The following POC1B variants were observed in gnomAD, a reference collection of about 807,000 sequenced individuals.
The protein encoded by POC1B is POC1 centriolar protein B.
A neutral mutation model predicts 60.6 loss-of-function variants in POC1B; 44 were observed. The observed-to-expected ratio is 0.73, with a 90% CI of 0.57 to 0.93. POC1B has a LOEUF of 0.93. Among genes scored for constraint, POC1B ranks in the 40% least tolerant of loss-of-function variants. POC1B has a pLI of 0.00. For synonymous variants in POC1B, 180 were observed against 198.9 expected, an observed-to-expected ratio of 0.90 and a Z score of 0.80; for missense variants, 555 against 572.3, an observed-to-expected ratio of 0.97 and a Z score of 0.31.
In POC1B at chr12:89,425,644, G is replaced by A. The variant is rs530468355; in HGVS notation, c.1114-265C>T. On this transcript the variant is annotated intron_variant, in intron 10 of 11. Coordinates refer to ENST00000313546, the MANE Select transcript of POC1B (RefSeq NM_172240.3). ...ACACTTTCCATACACTGATCTGAGG[G>A]ATCTACCATTAAAAAGATTGTTAGA... The A allele has an allele frequency of 6.1e-5, 16 of 261,596 alleles. 1 individual carries two copies. In the South Asian group the frequency reaches 1.5e-3, roughly 25 times the overall value. 16.2% of individuals were successfully genotyped at this position (261,596 alleles called of 1,614,324 possible). A position where few individuals can be genotyped will look rare whatever the true frequency, so the allele number is the denominator to read the frequency against.
At chr12:89,524,033 C>T (rs1406970748) in intron 2 of POC1B, 5 of 1,613,374 alleles carry the variant, frequency 3.1e-6, no homozygotes, top group Non-Finnish European at 3.4e-6. Context: ...AAGTCATCCA[C>T]CAAGATGATC....
At chr12:89,492,198 A>C in intron 3 of POC1B, 83 bp from the exon 4 acceptor site, 1 of 1,115,024 alleles carries the variant, frequency 9.0e-7, no homozygotes, top group Non-Finnish European at 1.2e-6. Context: ...TTTGAAACAT[A>C]TAAAATAGTT....
the POC1B span, among the ~76,000 whole-genome samples, chr12:89,413,336 G>A: frequency 2.0e-5 from 3 of 152,146 alleles, no homozygotes; most frequent in Non-Finnish European, 4.4e-5. Flanking sequence ...CTCCCAAGTA[G>A]CTAAGACTAT....
the POC1B span, among the ~76,000 whole-genome samples, chr12:89,404,799 C>T: frequency 6.6e-6 from 1 of 152,160 alleles, no homozygotes; most frequent in Non-Finnish European, 1.5e-5. Context: ...AATCCAGGAA[C>T]CCACAAGAAA....
At position 89,424,514 on chromosome 12, in the gene POC1B, A is replaced by G. The variant is rs1278423285; in HGVS notation, c.1332+647T>C. 3.7e-4 allele frequency among the ~76,000 whole-genome samples: 57 copies of G among 152,204 alleles called. 1 individual carries two copies. Among genetic ancestry groups the G allele is most frequent in the Admixed American group, 3.7e-3 (57 of 15,282 alleles). On this transcript the variant is annotated intron_variant, in intron 11 of 11. Coordinates refer to ENST00000313546, the MANE Select transcript of POC1B (RefSeq NM_172240.3). ...TCCACTCTGACAAATATTAGTATTT[A>G]GTATTCTCATTCTACACATCAAAGA...
At chr12:89,474,111 C>G (rs924005781) in intron 4 of POC1B, among the ~76,000 whole-genome samples, 1 of 151,802 alleles carries the variant, frequency 6.6e-6, no homozygotes, top group Non-Finnish European at 1.5e-5. Context: ...GAAGCTGAGG[C>G]AGGAGAATTG....
intron 4 of POC1B, among the ~76,000 whole-genome samples, chr12:89,484,518 G>C (rs1447008910): frequency 6.6e-6 from 1 of 152,220 alleles, no homozygotes; most frequent in Non-Finnish European, 1.5e-5. Context: ...GGGAGGACTG[G>C]CATGTGAGGA....
At chr12:89,405,180 T>TA in the POC1B span, among the ~76,000 whole-genome samples, 5 of 152,152 alleles carry the variant, frequency 3.3e-5, no homozygotes, top group Admixed American at 6.5e-5. Context: ...CTAACATGGT[T>TA]AAAAAAAATG....
intron 2 of POC1B, 90 bp from the exon 3 acceptor site, chr12:89,497,432 G>A (rs1869313911): frequency 7.5e-7 from 1 of 1,333,948 alleles, no homozygotes. Context: ...CTAATAACAA[G>A]GCATCCAGGT....
intron 11 of POC1B, among the ~76,000 whole-genome samples, chr12:89,423,548 T>C (rs188613888): frequency 2.0e-5 from 3 of 152,342 alleles, no homozygotes; most frequent in Admixed American, 2.0e-4. Flanking sequence ...ATCTAAAACA[T>C]AATTTCATTT....
chr12:89,500,632 GA>G, intron 2 of POC1B: 1 of 1,590,332 alleles, frequency 6.3e-7, no homozygotes, highest in East Asian at 2.2e-5. Context: ...GTGCCCAAAA[GA>G]GAGAGACTTA....
downstream of POC1B, among the ~76,000 whole-genome samples, chr12:89,418,813 T>A (rs1880415836): frequency 6.6e-6 from 1 of 152,210 alleles, no homozygotes; most frequent in South Asian, 2.1e-4. Flanking sequence ...TGCACTATGC[T>A]TCTTGTGCAG....
At chr12:89,407,472 G>A in the POC1B span, among the ~76,000 whole-genome samples, 1 of 151,874 alleles carries the variant, frequency 6.6e-6, no homozygotes, top group African/African-American at 2.4e-5. Context: ...TCCTAACCTC[G>A]AGTGATCCAT....
chr12:89,416,379 GA>G (rs1444875818), downstream of POC1B, among the ~76,000 whole-genome samples: 3 of 152,216 alleles, frequency 2.0e-5, no homozygotes, highest in Non-Finnish European at 2.9e-5. Context: ...ATTGGGAAGG[GA>G]GAGGTGCTTC....
chr12:89,472,415 T>TTTTTTAATGATA, intron 4 of POC1B, 140 bp from the exon 5 acceptor site: 2 of 602,784 alleles, frequency 3.3e-6, no homozygotes, highest in Admixed American at 6.8e-5. Flanking sequence ...AAAGTCATAT[T>TTTTTTAATGATA]CTGCAGCCAA....
chr12:89,471,601 G>A lies in POC1B; in HGVS notation c.676+13C>T. On this transcript the variant is annotated intron_variant, in intron 6 of 11. Transcript: ENST00000313546. ...CATTCGGTAACTGAATTTTTTGTTA[G>A]GAAAATTGTTACCTTGGTAATGCTG... 6.3e-7 allele frequency: 1 copy of A among 1,582,988 alleles called. No homozygotes were observed. Among genetic ancestry groups the A allele is most frequent in the Non-Finnish European group, 8.7e-7 (1 of 1,154,846 alleles).
At chr12:89,500,221 A>T in intron 2 of POC1B, 1 of 1,589,594 alleles carries the variant, frequency 6.3e-7, no homozygotes, top group Non-Finnish European at 8.6e-7. Flanking sequence ...ACTGTTTTGA[A>T]GAAAAAAGTC....
chr12:89,463,565 A>T lies in POC1B; in HGVS notation c.1032+3205T>A, dbSNP rs528877202. On this transcript the variant is annotated intron_variant, in intron 9 of 11. Coordinates refer to ENST00000313546, the MANE Select transcript of POC1B (RefSeq NM_172240.3). ...ATAGCACAACATGGGTAGGGTCAAG[A>T]TACCTTGTGTAAAAACTGGGCTTCT... Among the ~76,000 whole-genome samples the T allele has an allele frequency of 8.5e-5, 13 of 152,336 alleles. No individual in the cohort carries two copies. The South Asian group carries it at 2.7e-3, about 32-fold the overall frequency.
intron 2 of POC1B, among the ~76,000 whole-genome samples, chr12:89,504,005 G>C (rs1235853381): frequency 1.3e-5 from 2 of 149,932 alleles, no homozygotes; most frequent in Non-Finnish European, 3.0e-5. Flanking sequence ...GCCTCTGCCC[G>C]GCCGCCGCCC....
Sources: allele counts gnomAD v4.1 joint callset (sites outside exome capture counted in the v4.1 genomes callset), GRCh38; gene constraint gnomAD v4.1.1; transcripts MANE v1.5; gene names NCBI Gene and HGNC (gene_info 2026-07-23, HGNC 2026-07-21).